Variants in RBFOX3 observed in about 807,000 individuals in gnomAD.
RBFOX3 encodes RNA binding protein fox-1 homolog 3.
A neutral mutation model predicts 48.7 loss-of-function variants in RBFOX3; 17 were observed. The ratio of observed to expected loss-of-function variants is 0.35; its 90% CI spans 0.24 to 0.52. The LOEUF is 0.52. Ranked by LOEUF, RBFOX3 falls within the 20% of genes least tolerant of loss-of-function variation. The pLI is 0.94. For missense variants in RBFOX3, 382 were observed against 497.5 expected (o/e 0.77, Z 2.21); for synonymous variants, 212 against 209.5 (o/e 1.01, Z -0.10).
intron 3 of RBFOX3, among the ~76,000 whole-genome samples, chr17:79,262,152 C>T (rs892510207): frequency 2.0e-5 from 3 of 152,272 alleles, no homozygotes; most frequent in African/African-American, 4.8e-5. Context: ...AAAAGCCTCT[C>T]GTGGCCACAG....
At chr17:79,235,272 T>A (rs2061501434) in intron 4 of RBFOX3, 1 of 152,356 alleles carries the variant, frequency 6.6e-6, no homozygotes, top group Non-Finnish European at 1.5e-5. Flanking sequence ...CACTGGGAAC[T>A]GAGCTGGTAT....
rs886670631 is a variant in RBFOX3, at chr17:79,096,686, C to T, written c.903G>A (p.Val301=). 5.3e-6 allele frequency: 8 copies of T among 1,498,424 alleles called. No homozygotes were observed. The highest frequency in any genetic ancestry group is 2.0e-5 in the Admixed American group (1 of 49,308). 92.8% of individuals were successfully genotyped at this position (1,498,424 alleles called of 1,614,324 possible). A position where few individuals can be genotyped will look rare whatever the true frequency, so the allele number is the denominator to read the frequency against. ...PLSCPFASRV[V]YQDGFYGAEI... The stretch of plus-strand genomic sequence containing the variant: ...CAGCACCATAAAATCCATCCTGATA[C>T]ACGACCCTGGAAGCAAACGGACAAG... The change falls in exon 12 of 15, where the codon GTG becomes GTA. Residue 301 remains valine, a synonymous_variant. Transcript: ENST00000693108.
At chr17:79,329,088 C>G (rs1424097851) in intron 2 of RBFOX3, among the ~76,000 whole-genome samples, 27 of 152,154 alleles carry the variant, frequency 1.8e-4, no homozygotes, top group Admixed American at 1.6e-3. Flanking sequence ...AAGATAGTCC[C>G]CACCCCACCC....
chr17:79,528,458 G>A (rs902132834), intron 1 of RBFOX3, among the ~76,000 whole-genome samples: 5 of 147,376 alleles, frequency 3.4e-5, no homozygotes, highest in African/African-American at 5.1e-5. Flanking sequence ...CCTCTGAGGT[G>A]TCTCTGAGGA....
the RBFOX3 span, among the ~76,000 whole-genome samples, chr17:79,621,297 C>G: frequency 2.0e-5 from 3 of 152,190 alleles, no homozygotes; most frequent in Non-Finnish European, 4.4e-5. Context: ...CCACGCCCAG[C>G]CTGTCCTTCA....
At position 79,363,624 on chromosome 17, in the gene RBFOX3, C is replaced by T. The variant is rs559723096; in HGVS notation, c.-174-55800G>A. ...CATACCTCTTACCCAGGGGCCCAATCGAAGATCTAGGGCCTTCGATTCCCT... is the reference window on the plus strand; with the variant it reads ...CATACCTCTTACCCAGGGGCCCAATTGAAGATCTAGGGCCTTCGATTCCCT... On this transcript the variant is annotated intron_variant, in intron 2 of 14. Transcript: ENST00000693108. The surrounding 1 kb of genome is among the most constrained non-coding windows in gnomAD (Gnocchi z 4.7). Among the ~76,000 whole-genome samples the T allele has an allele frequency of 5.3e-5, 8 of 152,118 alleles. No individual in the cohort carries two copies. Among genetic ancestry groups the T allele is most frequent in the African/African-American group, 1.9e-4 (8 of 41,476 alleles).
intron 1 of RBFOX3, among the ~76,000 whole-genome samples, chr17:79,486,028 G>T (rs950808190): frequency 1.3e-5 from 2 of 152,248 alleles, no homozygotes; most frequent in Admixed American, 6.5e-5. Context: ...TGTACCCCAC[G>T]CCCCACCCCT....
At chr17:79,384,295 C>T (rs1205269835) in intron 2 of RBFOX3, among the ~76,000 whole-genome samples, 1 of 152,162 alleles carries the variant, frequency 6.6e-6, no homozygotes, top group African/African-American at 2.4e-5. Flanking sequence ...CTCTGTAGGT[C>T]TGTTCAGAGG....
At chr17:79,623,928 G>T in the RBFOX3 span, among the ~76,000 whole-genome samples, 1 of 152,118 alleles carries the variant, frequency 6.6e-6, no homozygotes, top group African/African-American at 2.4e-5. Context: ...TCCGCAGGGT[G>T]AGGGCTTCCA....
At chr17:79,253,531 A>AT (rs976234908) in intron 3 of RBFOX3, among the ~76,000 whole-genome samples, 13 of 151,352 alleles carry the variant, frequency 8.6e-5, no homozygotes, top group South Asian at 4.2e-4. Flanking sequence ...ATTAAATGAA[A>AT]TTTTTTTTTT....
At chr17:79,248,393 G>C (rs927389406) in intron 3 of RBFOX3, among the ~76,000 whole-genome samples, 1 of 152,158 alleles carries the variant, frequency 6.6e-6, no homozygotes, top group Non-Finnish European at 1.5e-5. Context: ...TCAAGGGCTG[G>C]TGGCTTTGAA....
chr17:79,098,410 CCA>C (rs1439353349), intron 9 of RBFOX3: 2 of 152,584 alleles, frequency 1.3e-5, no homozygotes, highest in Non-Finnish European at 2.9e-5. Flanking sequence ...TGTGTGTGAG[CCA>C]CACAGACTGT....
chr17:79,148,506 A>C (rs1006080856), intron 4 of RBFOX3, among the ~76,000 whole-genome samples: 4 of 152,230 alleles, frequency 2.6e-5, no homozygotes, highest in African/African-American at 9.6e-5. Context: ...ACACCCCCCC[A>C]GACCATGGTT....
chr17:79,408,132 G>A (rs760117851), intron 2 of RBFOX3, among the ~76,000 whole-genome samples: 4 of 152,188 alleles, frequency 2.6e-5, no homozygotes, highest in Admixed American at 1.3e-4. Context: ...GAAGTGGGGG[G>A]AGAAGGAGCA....
chr17:79,412,638 G>A (rs952108439), intron 2 of RBFOX3, among the ~76,000 whole-genome samples: 4 of 151,642 alleles, frequency 2.6e-5, no homozygotes, highest in African/African-American at 9.7e-5. Context: ...ATGTGTGCAT[G>A]TATGCATGTG....
chr17:79,608,419 C>T (rs1314173583), intron 1 of RBFOX3, among the ~76,000 whole-genome samples: 1 of 152,216 alleles, frequency 6.6e-6, no homozygotes, highest in Non-Finnish European at 1.5e-5. Flanking sequence ...TCTCTCTAGG[C>T]CCCAGGCCCC....
At chr17:79,222,369 G>A (rs2059841980) in intron 4 of RBFOX3, among the ~76,000 whole-genome samples, 1 of 152,222 alleles carries the variant, frequency 6.6e-6, no homozygotes, top group African/African-American at 2.4e-5. Context: ...TGCAGCCTCT[G>A]TGGGCTGCGT....
At chr17:79,255,334 C>A (rs929900702) in intron 3 of RBFOX3, among the ~76,000 whole-genome samples, 4 of 151,878 alleles carry the variant, frequency 2.6e-5, no homozygotes, top group East Asian at 1.9e-4. Flanking sequence ...TGGGTCTCAG[C>A]CCGGTGGCTG....
In RBFOX3 at chr17:79,481,288, C is replaced by G. The variant is rs2078743056; in HGVS notation, c.-175+1166G>C. On this transcript the variant is annotated intron_variant, in intron 2 of 14. Coordinates refer to ENST00000693108, the MANE Select transcript of RBFOX3 (RefSeq NM_001350451.2). The surrounding 1 kb of genome is among the most constrained non-coding windows in gnomAD (Gnocchi z 5.4). ...GCCTGCAGGCTTCAGGGCTCCAGTC[C>G]TCCCTGCCTGGGGGTCGCTGACCCA... Among the ~76,000 whole-genome samples the G allele has an allele frequency of 6.6e-6, 1 of 152,162 alleles. No individual in the cohort carries two copies. The highest frequency in any genetic ancestry group is 2.1e-4 in the South Asian group (1 of 4,830).
Sources: allele counts gnomAD v4.1 joint callset (sites outside exome capture counted in the v4.1 genomes callset), GRCh38; gene constraint gnomAD v4.1.1; non-coding constraint Gnocchi (gnomAD v3.1); transcripts MANE v1.5; gene names NCBI Gene and HGNC (gene_info 2026-07-23, HGNC 2026-07-21).